Variants in TNFAIP8L3 observed in about 807,000 individuals in gnomAD.
TNFAIP8L3 encodes tumor necrosis factor alpha-induced protein 8-like protein 3.
A neutral mutation model predicts 11.8 loss-of-function variants in TNFAIP8L3; 7 were observed. That is an observed-to-expected ratio of 0.59 (90% CI 0.34 to 1.11). The LOEUF (loss-of-function observed/expected upper bound fraction) is 1.11, where lower values mean the gene tolerates loss of function less well. Ranked by LOEUF, TNFAIP8L3 falls within the 50% of genes most tolerant of loss-of-function variation. TNFAIP8L3 has a pLI of 0.03. For missense variants in TNFAIP8L3, 219 were observed against 258.6 expected, an observed-to-expected ratio of 0.85 and a Z score of 1.05; for synonymous variants, 98 against 103.8, an observed-to-expected ratio of 0.94 and a Z score of 0.34.
At chr15:51,077,500 G>C (rs2065361103) in intron 1 of TNFAIP8L3, among the ~76,000 whole-genome samples, 1 of 152,204 alleles carries the variant, frequency 6.6e-6, no homozygotes, top group African/African-American at 2.4e-5. Flanking sequence ...TCTTATGCAA[G>C]GGGGCCTAGT....
In TNFAIP8L3 at chr15:51,094,333, C is replaced by A. The variant is rs186805681; in HGVS notation, c.52+211G>T. 1.3e-3 allele frequency among the ~76,000 whole-genome samples: 205 copies of A among 152,278 alleles called. 1 individual carries two copies. The highest frequency in any genetic ancestry group is 4.7e-3 in the African/African-American group (195 of 41,570). Reference sequence around the variant, plus strand: ...CGCGGGAGACTGGCAGCAAGGAGAGCCACCCCTAAATGCACCTTCCCTCCC... The same window carrying A: ...CGCGGGAGACTGGCAGCAAGGAGAGACACCCCTAAATGCACCTTCCCTCCC... On this transcript the variant is annotated intron_variant, in intron 1 of 1. Coordinates refer to ENST00000637513, the MANE Select transcript of TNFAIP8L3 (RefSeq NM_001311175.2). This position sits in a 1 kb window ranked among gnomAD's most constrained non-coding sequence, Gnocchi z 4.4.
intron 1 of TNFAIP8L3, among the ~76,000 whole-genome samples, chr15:51,067,371 T>C (rs913593938): frequency 6.6e-6 from 1 of 152,142 alleles, no homozygotes; most frequent in South Asian, 2.1e-4. Flanking sequence ...TCTCCCAAAT[T>C]TCCACCACCT....
At chr15:51,066,997 T>C (rs988249637) in intron 1 of TNFAIP8L3, among the ~76,000 whole-genome samples, 1 of 152,052 alleles carries the variant, frequency 6.6e-6, no homozygotes, top group African/African-American at 2.4e-5. Context: ...CCTTAAGGGA[T>C]GGTGGGGCCT....
intron 1 of TNFAIP8L3, among the ~76,000 whole-genome samples, chr15:51,076,455 TC>T (rs1369469067): frequency 1.3e-5 from 2 of 152,374 alleles, no homozygotes; most frequent in East Asian, 3.9e-4. Context: ...AGGCTTCCTT[TC>T]TAAATTAAAC....
At chr15:51,058,479 A>G in intron 1 of TNFAIP8L3, 36 bp from the exon 2 acceptor site, 1 of 1,431,674 alleles carries the variant, frequency 7.0e-7, no homozygotes, top group Non-Finnish European at 9.2e-7. Flanking sequence ...AGTTTTAGAA[A>G]TATAAGAACT....
At chr15:51,099,333 C>T (rs2065534396), upstream of TNFAIP8L3, among the ~76,000 whole-genome samples, 1 of 151,916 alleles carries the variant, frequency 6.6e-6, no homozygotes, top group African/African-American at 2.4e-5. Context: ...AGCTGTTCTC[C>T]TGGGTTCTTA....
At chr15:51,093,706 A>G (rs1048681207) in intron 1 of TNFAIP8L3, among the ~76,000 whole-genome samples, 2 of 152,116 alleles carry the variant, frequency 1.3e-5, no homozygotes, top group African/African-American at 4.8e-5. Flanking sequence ...AGCGGGTCCT[A>G]GGTGCGTAGA....
chr15:51,089,067 C>A (rs1276593065), intron 1 of TNFAIP8L3, among the ~76,000 whole-genome samples: 1 of 152,218 alleles, frequency 6.6e-6, no homozygotes, highest in Non-Finnish European at 1.5e-5. Context: ...GGTAGCTCAG[C>A]TTCTCTGCCC....
chr15:51,060,856 C>G (rs1481882340), intron 1 of TNFAIP8L3, among the ~76,000 whole-genome samples: 1 of 152,188 alleles, frequency 6.6e-6, no homozygotes, highest in African/African-American at 2.4e-5. Flanking sequence ...AATTAATTGG[C>G]TGGGTGCTGT....
intron 1 of TNFAIP8L3, among the ~76,000 whole-genome samples, chr15:51,075,591 G>A (rs1325306690): frequency 1.3e-5 from 2 of 152,156 alleles, no homozygotes; most frequent in Admixed American, 6.5e-5. Flanking sequence ...CAGAACACCA[G>A]ACTGCTAACA....
intron 1 of TNFAIP8L3, among the ~76,000 whole-genome samples, chr15:51,082,303 G>A (rs928191714): frequency 1.3e-5 from 2 of 152,118 alleles, no homozygotes; most frequent in South Asian, 4.1e-4. Flanking sequence ...GTAGGCACCT[G>A]TAACACAATG....
At chr15:51,077,957 CTGGTCA>C (rs2065366571) in intron 1 of TNFAIP8L3, among the ~76,000 whole-genome samples, 1 of 152,198 alleles carries the variant, frequency 6.6e-6, no homozygotes, top group Non-Finnish European at 1.5e-5. Flanking sequence ...CTCATCTTTC[CTGGTCA>C]TGTGACAAGA....
intron 1 of TNFAIP8L3, among the ~76,000 whole-genome samples, chr15:51,075,314 G>T (rs968613991): frequency 1.1e-4 from 16 of 152,128 alleles, no homozygotes; most frequent in African/African-American, 3.9e-4. Flanking sequence ...AGCATCACCT[G>T]GGGGCCAGAG....
In TNFAIP8L3 at chr15:51,094,410, C is replaced by G. The variant is rs889443029; in HGVS notation, c.52+134G>C. ...TGGGGGAAGCCCCAAAGCAAACTCA[C>G]GACGCGGAGCAATCCCCAGTCTTGG... On this transcript the variant is annotated intron_variant, in intron 1 of 1. Coordinates refer to ENST00000637513, the MANE Select transcript of TNFAIP8L3 (RefSeq NM_001311175.2). This position sits in a 1 kb window ranked among gnomAD's most constrained non-coding sequence, Gnocchi z 4.4. The G allele has an allele frequency of 3.6e-6, 4 of 1,102,130 alleles. No individual in the cohort carries two copies. In the East Asian group the frequency reaches 1.4e-4, roughly 39 times the overall value. 68.3% of individuals were successfully genotyped at this position (1,102,130 alleles called of 1,614,324 possible).
chr15:51,100,353 C>CAGAG (rs932714544), intron 1 of TNFAIP8L3, among the ~76,000 whole-genome samples: 3 of 151,912 alleles, frequency 2.0e-5, no homozygotes, highest in Non-Finnish European at 2.9e-5. Flanking sequence ...TGGAGTGACA[C>CAGAG]AGAGCTCTGC....
chr15:51,063,276 T>A (rs993796661), intron 1 of TNFAIP8L3, among the ~76,000 whole-genome samples: 2 of 152,222 alleles, frequency 1.3e-5, no homozygotes, highest in Non-Finnish European at 2.9e-5. Context: ...TTTCTTTGAT[T>A]AGGGAACTAT....
At chr15:51,088,263 CAAAT>C (rs1358446176) in intron 1 of TNFAIP8L3, among the ~76,000 whole-genome samples, 1 of 151,862 alleles carries the variant, frequency 6.6e-6, no homozygotes, top group Admixed American at 6.6e-5. Context: ...GCTTTGTTGA[CAAAT>C]AAAAAGGCAA....
chr15:51,096,985 TA>T (rs1251009612), upstream of TNFAIP8L3, among the ~76,000 whole-genome samples: 11 of 151,896 alleles, frequency 7.2e-5, no homozygotes, highest in African/African-American at 2.7e-4. Flanking sequence ...TGGGATCATT[TA>T]AAAAGTTTGC....
Position 51,094,780 on chromosome 15 carries a change from C to G in TNFAIP8L3, c.-185G>C. ...CCGCAGAGGCGAGCGCCGCCGCGCC[C>G]CGCTCCCCGCGCCCGCCGGCCGGTG... is the stretch of plus-strand genomic sequence containing the variant. On this transcript the variant is annotated 5_prime_UTR_variant, in exon 1 of 2. Coordinates refer to ENST00000637513, the MANE Select transcript of TNFAIP8L3 (RefSeq NM_001311175.2). The surrounding 1 kb of genome is among the most constrained non-coding windows in gnomAD (Gnocchi z 4.4). 2 of 857,894 alleles carry G rather than the reference C, an allele frequency of 2.3e-6. No homozygotes were observed. The highest frequency in any genetic ancestry group is 2.8e-6 in the Non-Finnish European group (2 of 716,282). The allele number at this position is 857,894 out of a possible 1,614,324, so 53.1% of individuals were successfully genotyped here.
Sources: allele counts gnomAD v4.1 joint callset (sites outside exome capture counted in the v4.1 genomes callset), GRCh38; gene constraint gnomAD v4.1.1; non-coding constraint Gnocchi (gnomAD v3.1); transcripts MANE v1.5; gene names NCBI Gene and HGNC (gene_info 2026-07-23, HGNC 2026-07-21).